ACMSD: variants seen among roughly 807,000 people sequenced by gnomAD.
ACMSD encodes 2-amino-3-carboxymuconate-6-semialdehyde decarboxylase.
ACMSD carries 37 observed loss-of-function variants against 45.9 expected under a neutral mutation model. The observed-to-expected ratio is 0.81, with a 90% CI of 0.62 to 1.06. The LOEUF (loss-of-function observed/expected upper bound fraction) is 1.06. Ranked by LOEUF, ACMSD falls within the 50% of genes least tolerant of loss-of-function variation. ACMSD has a pLI of 0.00. For synonymous variants in ACMSD, 138 were observed against 148.8 expected (o/e 0.93, Z 0.53); for missense variants, 434 against 420.9 (o/e 1.03, Z -0.27).
chr2:134,847,465 G>GATAGAT (rs1687120312), intron 2 of ACMSD, among the ~76,000 whole-genome samples: 1 of 151,420 alleles, frequency 6.6e-6, no homozygotes, highest in African/African-American at 2.4e-5. Flanking sequence ...TAGAGATAGA[G>GATAGAT]ATAGATATAT....
intron 2 of ACMSD, among the ~76,000 whole-genome samples, chr2:134,852,145 C>A (rs1212670907): frequency 6.6e-6 from 1 of 152,108 alleles, no homozygotes; most frequent in African/African-American, 2.4e-5. Flanking sequence ...GAGGAAGTAA[C>A]AGAGGTAGGC....
Position 134,867,500 on chromosome 2 carries a change from C to T in ACMSD, c.487-79C>T, listed in dbSNP as rs1435552248. On this transcript the variant is annotated intron_variant, in intron 5 of 9. Transcript: ENST00000356140. ...AGACCAATATAGACTCAGAGAAAAGCAGTTTCCCCAAAACAGTACCTGGTA... is the reference window on the plus strand; with the variant it reads ...AGACCAATATAGACTCAGAGAAAAGTAGTTTCCCCAAAACAGTACCTGGTA... 7 of 1,086,096 alleles carry T rather than the reference C, an allele frequency of 6.4e-6. No homozygotes were observed. In the African/African-American group the frequency reaches 9.3e-5, roughly 14 times the overall value. 67.3% of individuals were successfully genotyped at this position (1,086,096 alleles called of 1,614,324 possible). A position where few individuals can be genotyped will look rare whatever the true frequency, so the allele number is the denominator to read the frequency against.
chr2:134,842,887 C>T (rs1196555204), intron 1 of ACMSD, among the ~76,000 whole-genome samples: 1 of 152,178 alleles, frequency 6.6e-6, no homozygotes, highest in Non-Finnish European at 1.5e-5. Flanking sequence ...TTTCCTACCT[C>T]CCTATCCTTC....
intron 1 of ACMSD, among the ~76,000 whole-genome samples, chr2:134,842,745 T>C (rs546265851): frequency 6.6e-6 from 1 of 152,162 alleles, no homozygotes. Flanking sequence ...AAAACTTATG[T>C]CCCCACCACT....
intron 8 of ACMSD, among the ~76,000 whole-genome samples, chr2:134,896,049 A>T (rs979655602): frequency 6.6e-6 from 1 of 152,260 alleles, no homozygotes; most frequent in Non-Finnish European, 1.5e-5. Context: ...TCAGTGTGAT[A>T]AAGAATAGTC....
chr2:134,844,049 C>T (rs1054256744), intron 1 of ACMSD, among the ~76,000 whole-genome samples: 1 of 152,176 alleles, frequency 6.6e-6, no homozygotes, highest in African/African-American at 2.4e-5. Context: ...TTTCTCTGCC[C>T]TAGTAAGGCT....
intron 8 of ACMSD, among the ~76,000 whole-genome samples, chr2:134,883,939 C>T (rs750213478): frequency 2.0e-5 from 3 of 152,178 alleles, no homozygotes; most frequent in Non-Finnish European, 4.4e-5. Context: ...TTGCTACTAT[C>T]TCTTCTCCCT....
intron 8 of ACMSD, among the ~76,000 whole-genome samples, chr2:134,890,638 G>C (rs1211459548): frequency 6.6e-6 from 1 of 151,690 alleles, no homozygotes; most frequent in African/African-American, 2.4e-5. Context: ...CCTTTTTTTA[G>C]GAAATAAACA....
intron 1 of ACMSD, among the ~76,000 whole-genome samples, chr2:134,839,692 G>A (rs997376344): frequency 5.9e-5 from 9 of 152,072 alleles, no homozygotes; most frequent in African/African-American, 1.9e-4. Context: ...TTTGTCCATT[G>A]GTATCTTAGG....
intron 3 of ACMSD, among the ~76,000 whole-genome samples, chr2:134,860,574 T>C (rs1687798943): frequency 6.6e-6 from 1 of 152,138 alleles, no homozygotes. Context: ...TGTAAGAAGT[T>C]CAAATATACA....
intron 6 of ACMSD, among the ~76,000 whole-genome samples, chr2:134,869,873 G>T (rs540172026): frequency 1.3e-5 from 2 of 152,130 alleles, no homozygotes; most frequent in Non-Finnish European, 2.9e-5. Context: ...TGGATTGTGG[G>T]GTTATGGTTC....
intron 2 of ACMSD, among the ~76,000 whole-genome samples, chr2:134,857,306 C>T (rs9653176): frequency 0.51 from 77,175 of 151,718 alleles, 20,530 homozygotes; most frequent in Middle Eastern, 0.82. Flanking sequence ...GGCGTGGTGG[C>T]GCATGTCTGT....
intron 8 of ACMSD, among the ~76,000 whole-genome samples, chr2:134,876,495 C>T (rs533307326): frequency 3.3e-5 from 5 of 152,218 alleles, no homozygotes; most frequent in Middle Eastern, 3.4e-3. Flanking sequence ...CCTAGGCCTA[C>T]ACAGGGTAAG....
chr2:134,868,764 T>C (rs1029047416), intron 6 of ACMSD, among the ~76,000 whole-genome samples: 9 of 152,154 alleles, frequency 5.9e-5, no homozygotes, highest in Admixed American at 2.6e-4. Flanking sequence ...GGATTTTCTT[T>C]AAGGGGACCA....
At chr2:134,901,761 A>G (rs746462960) in intron 9 of ACMSD, 37 bp from the exon 10 acceptor site, 6 of 1,534,036 alleles carry the variant, frequency 3.9e-6, no homozygotes, top group Non-Finnish European at 5.3e-6. Context: ...TTAAAAAACA[A>G]CCAATAATGC....
intron 2 of ACMSD, among the ~76,000 whole-genome samples, chr2:134,847,443 G>GATAGATAGAT (rs1553508808): frequency 3.5e-5 from 5 of 142,302 alleles, no homozygotes; most frequent in African/African-American, 1.0e-4. Flanking sequence ...TAGATAGATA[G>GATAGATAGAT]ATAGATATAG....
chr2:134,856,625 C>T (rs912851021), intron 2 of ACMSD, among the ~76,000 whole-genome samples: 4 of 152,182 alleles, frequency 2.6e-5, no homozygotes, highest in African/African-American at 9.6e-5. Context: ...ATTTGTATAT[C>T]TATTCTGAGA....
intron 2 of ACMSD, among the ~76,000 whole-genome samples, chr2:134,855,898 A>C (rs1427106097): frequency 2.0e-5 from 3 of 152,144 alleles, no homozygotes; most frequent in African/African-American, 7.2e-5. Context: ...CAAGAGGAGG[A>C]GGAGGAGAGC....
At position 134,871,007 on chromosome 2, in the gene ACMSD, T is replaced by C. The variant is rs760338573; in HGVS notation, c.623T>C (p.Met208Thr). The C allele has an allele frequency of 4.3e-6, 7 of 1,614,052 alleles. No individual in the cohort carries two copies. The highest frequency in any genetic ancestry group is 3.4e-6 in the Non-Finnish European group (4 of 1,180,034). Residue 208 changes from methionine (M) to threonine (T), a missense_variant, in exon 7 of 10, where the codon ATG (methionine) becomes ACG (threonine). Physicochemically the swap from Met to Thr is moderately conservative, Grantham distance 81 (BLOSUM62 -1). Transcript: ENST00000356140. Reference protein sequence around the residue: ...ETTIAICSMIMGGVFEKFPKL... With the variant: ...ETTIAICSMITGGVFEKFPKL... The stretch of plus-strand genomic sequence containing the variant: ...ACCATAGCCATTTGCTCCATGATCA[T>C]GGGTGGAGTATTTGAGAAGTTTCCC...
Sources: allele counts gnomAD v4.1 joint callset (sites outside exome capture counted in the v4.1 genomes callset), GRCh38; gene constraint gnomAD v4.1.1; transcripts MANE v1.5; gene names NCBI Gene and HGNC (gene_info 2026-07-23, HGNC 2026-07-21).